Variants in COL4A5 observed in about 807,000 individuals in gnomAD.
The protein encoded by COL4A5 is collagen type IV alpha 5 chain, also known as collagen alpha-5(IV) chain.
COL4A5 carries 26 observed loss-of-function variants against 130.2 expected under a neutral mutation model. The ratio of observed to expected loss-of-function variants is 0.20; its 90% CI spans 0.15 to 0.28. COL4A5 has a LOEUF of 0.28. Ranked by LOEUF, COL4A5 falls within the 10% of genes least tolerant of loss-of-function variation. The pLI is 1.00. For missense variants in COL4A5, 1,131 were observed against 1,344.3 expected, an observed-to-expected ratio of 0.84 and a Z score of 2.48; for synonymous variants, 496 against 439.6, an observed-to-expected ratio of 1.13 and a Z score of -1.60.
At position 108,603,257 on chromosome X, in the gene COL4A5, C is replaced by CA. The variant is rs762022225; in HGVS notation, c.2244+216dup. On this transcript the variant is annotated intron_variant, in intron 28 of 52. Transcript: ENST00000328300. ...TAATAGTCCAAGGTCACATTTGGAGCAAAAAAAAAAAAAAAAAAAACCTAA... is the reference window on the plus strand; with the variant it reads ...TAATAGTCCAAGGTCACATTTGGAGCAAAAAAAAAAAAAAAAAAAAACCTAA... 0.036 allele frequency among the ~76,000 whole-genome samples: 1,546 copies of CA among 42,762 alleles called. 12 individuals carry two copies. The highest frequency in any genetic ancestry group is 0.07 in the Middle Eastern group (4 of 57). 37.1% of individuals were successfully genotyped at this position (42,762 alleles called of 115,157 possible).
At chrX:108,502,412 A>G (rs2065088675) in intron 1 of COL4A5, among the ~76,000 whole-genome samples, 1 of 110,212 alleles carries the variant, frequency 9.1e-6, no homozygotes, top group Non-Finnish European at 1.9e-5. Flanking sequence ...CAGCCTCCTG[A>G]GTAGCTGGGA....
At chrX:108,467,098 C>T (rs369012063) in intron 1 of COL4A5, among the ~76,000 whole-genome samples, 1 of 111,577 alleles carries the variant, frequency 9.0e-6, no homozygotes, top group East Asian at 2.8e-4. Flanking sequence ...AATCCATTGC[C>T]AAATCCAAAG....
At chrX:108,608,085 G>T (rs2066766476) in intron 29 of COL4A5, among the ~76,000 whole-genome samples, 1 of 111,219 alleles carries the variant, frequency 9.0e-6, no homozygotes, top group Admixed American at 9.6e-5. Context: ...AAAATAAAGT[G>T]ATGAAAAAGG....
chrX:108,547,942 G>A (rs764645872), intron 2 of COL4A5, among the ~76,000 whole-genome samples: 1 of 112,089 alleles, frequency 8.9e-6, no homozygotes, highest in Admixed American at 9.4e-5. Context: ...TGTACCATGT[G>A]CTAAGACCAT....
rs281874668 is a variant in COL4A5, at chrX:108,595,489, T to C, written c.1424-20T>C. ...TGTACCCCTTTCAGTAAAATTTGTTTGTTATTATGATTTCACTAGGTGACA... is the reference window on the plus strand; with the variant it reads ...TGTACCCCTTTCAGTAAAATTTGTTCGTTATTATGATTTCACTAGGTGACA... On this transcript the variant is annotated intron_variant, in intron 21 of 52. Coordinates refer to ENST00000328300, the MANE Select transcript of COL4A5 (RefSeq NM_033380.3). The C allele has an allele frequency of 8.3e-7, 1 of 1,203,478 alleles. No individual in the cohort carries two copies. The highest frequency in any genetic ancestry group is 1.8e-5 in the South Asian group (1 of 56,809).
chrX:108,584,446 T>C, intron 17 of COL4A5, 38 bp from the exon 18 acceptor site: 2 of 1,157,893 alleles, frequency 1.7e-6, no homozygotes, highest in Non-Finnish European at 2.4e-6. Context: ...TGTTTTCATG[T>C]GAATTTTACT....
At chrX:108,469,169 C>CT (rs529015725) in intron 1 of COL4A5, among the ~76,000 whole-genome samples, 3,759 of 77,612 alleles carry the variant, frequency 0.048, 169 homozygotes, top group African/African-American at 0.091. Flanking sequence ...CTCTCTCTCT[C>CT]TTTTTTTTTT....
intron 1 of COL4A5, among the ~76,000 whole-genome samples, chrX:108,506,365 TATCTATC>T: frequency 9.1e-6 from 1 of 109,479 alleles, no homozygotes; most frequent in Admixed American, 9.8e-5. Flanking sequence ...TCTATCTATC[TATCTATC>T]TATCTATCTA....
At chrX:108,494,769 G>T (rs900228725) in intron 1 of COL4A5, among the ~76,000 whole-genome samples, 1 of 111,138 alleles carries the variant, frequency 9.0e-6, no homozygotes, top group Non-Finnish European at 1.9e-5. Context: ...CAAATTTTGC[G>T]CAGTTAACAT....
At chrX:108,454,096 A>G (rs947204215) in intron 1 of COL4A5, among the ~76,000 whole-genome samples, 3 of 112,182 alleles carry the variant, frequency 2.7e-5, no homozygotes, top group African/African-American at 9.7e-5. Flanking sequence ...TTTCTTCTAT[A>G]TAGTTATCTC....
intron 1 of COL4A5, among the ~76,000 whole-genome samples, chrX:108,489,294 G>A (rs1361165101): frequency 9.0e-6 from 1 of 111,463 alleles, no homozygotes; most frequent in Admixed American, 9.6e-5. Context: ...TCAGATCTTT[G>A]TCTATGGCAC....
intron 2 of COL4A5, among the ~76,000 whole-genome samples, chrX:108,550,420 A>G (rs1419126010): frequency 4.5e-5 from 5 of 112,294 alleles, no homozygotes; most frequent in African/African-American, 1.6e-4. Context: ...CCAAAACAAA[A>G]TTTAGAGCAT....
At chrX:108,526,239 G>T (rs1399234265) in intron 1 of COL4A5, among the ~76,000 whole-genome samples, 2 of 111,980 alleles carry the variant, frequency 1.8e-5, no homozygotes, top group Admixed American at 1.9e-4. Context: ...GGAAGGAGCA[G>T]GTCATAATGC....
intron 48 of COL4A5, 23 bp downstream of exon 48, chrX:108,686,152 T>C: frequency 8.7e-7 from 1 of 1,147,527 alleles, no homozygotes; most frequent in Non-Finnish European, 1.2e-6. Context: ...AAACATGCTG[T>C]TGGTGGAGGG....
chrX:108,574,481 T>G (rs896893570), intron 9 of COL4A5, among the ~76,000 whole-genome samples: 1 of 111,957 alleles, frequency 8.9e-6, no homozygotes, highest in African/African-American at 3.2e-5. Context: ...CAAATAATTT[T>G]GAATCAACCT....
intron 36 of COL4A5, among the ~76,000 whole-genome samples, chrX:108,647,993 T>C (rs150135176): frequency 0.1 from 11,553 of 111,185 alleles, 1,302 homozygotes; most frequent in African/African-American, 0.34. Context: ...CAGTATTTTA[T>C]TGAGGATTTT....
chrX:108,581,167 T>C (rs2066242580), intron 16 of COL4A5, 140 bp downstream of exon 16: 11 of 552,360 alleles, frequency 2.0e-5, no homozygotes, highest in Non-Finnish European at 3.3e-5. Flanking sequence ...CCAGTCTTTG[T>C]CTTTTGAATA....
intron 1 of COL4A5, among the ~76,000 whole-genome samples, chrX:108,453,845 C>T (rs1240336337): frequency 1.8e-5 from 2 of 111,699 alleles, no homozygotes; most frequent in African/African-American, 3.3e-5. Flanking sequence ...TTTTGTTCAT[C>T]GTGGTAGATA....
intron 30 of COL4A5, 144 bp from the exon 31 acceptor site, chrX:108,620,107 AGTTATTTT>A: frequency 2.0e-6 from 1 of 491,310 alleles, no homozygotes; most frequent in Non-Finnish European, 3.6e-6. Context: ...TTGATTGTTC[AGTTATTTT>A]GTGTGCATGA....
Sources: gnomAD v4.1 joint callset for allele counts (sites outside exome capture counted in the v4.1 genomes callset) on GRCh38, gnomAD v4.1.1 for gene constraint, MANE v1.5 for transcripts, NCBI Gene and HGNC (gene_info 2026-07-23, HGNC 2026-07-21) for gene names.